PDZRN3: variants seen among roughly 807,000 people sequenced by gnomAD.
PDZRN3 encodes the protein E3 ubiquitin-protein ligase PDZRN3.
A neutral mutation model predicts 85.7 loss-of-function variants in PDZRN3; 38 were observed. The observed-to-expected ratio is 0.44, with a 90% CI of 0.34 to 0.58. The LOEUF (loss-of-function observed/expected upper bound fraction) is 0.58, where lower values mean the gene tolerates loss of function less well. Among genes scored for constraint, PDZRN3 ranks in the 20% least tolerant of loss-of-function variants. The pLI is 0.01. For synonymous variants in PDZRN3, 759 were observed against 638.0 expected, an observed-to-expected ratio of 1.19 and a Z score of -2.86; for missense variants, 1,629 against 1,506.4, an observed-to-expected ratio of 1.08 and a Z score of -1.35.
intron 3 of PDZRN3, among the ~76,000 whole-genome samples, chr3:73,473,506 A>C (rs1484770853): frequency 1.3e-5 from 2 of 152,152 alleles, no homozygotes. Context: ...AGGCCCATTT[A>C]AACATTATAG....
rs375028237 is a variant in PDZRN3 at position 73,394,831 on chromosome 3, T to C, written c.1255-3715A>G. ...TTGCTGACAGTTAAGCACAGAGTGA[T>C]CCATAATAGGCTTTCAGAAGCTCTT... On this transcript the variant is annotated intron_variant, in intron 5 of 9. Transcript: ENST00000263666. Among the ~76,000 whole-genome samples, 5 of 152,348 alleles carry C rather than the reference T, an allele frequency of 3.3e-5. No individual in the cohort carries two copies. In the East Asian group the frequency reaches 9.6e-4, roughly 29 times the overall value.
intron 3 of PDZRN3, among the ~76,000 whole-genome samples, chr3:73,439,867 T>A (rs1369809620): frequency 6.6e-6 from 1 of 152,052 alleles, no homozygotes; most frequent in African/African-American, 2.4e-5. Flanking sequence ...GCCTTCTGAA[T>A]AGCTGGGACT....
intron 3 of PDZRN3, among the ~76,000 whole-genome samples, chr3:73,473,417 G>A (rs1194655709): frequency 6.6e-6 from 1 of 150,738 alleles, no homozygotes; most frequent in Non-Finnish European, 1.5e-5. Flanking sequence ...AGGCAGTCAA[G>A]AAAGAATTTG....
rs60375078 is a variant in PDZRN3, at chr3:73,550,510, C to T, written c.918+51844G>A. ...TCAGTCTTTATTTAAAAGCCCCCCA[C>T]CTGATTTGACTGCAAAGGCAAAATT... On this transcript the variant is annotated intron_variant, in intron 3 of 9. Coordinates refer to ENST00000263666, the MANE Select transcript of PDZRN3 (RefSeq NM_015009.3). 5.2e-3 allele frequency among the ~76,000 whole-genome samples: 792 copies of T among 152,336 alleles called. 3 individuals carry two copies. The highest frequency in any genetic ancestry group is 0.019 in the African/African-American group (772 of 41,570).
At chr3:73,574,463 G>GGC (rs112888737) in intron 3 of PDZRN3, among the ~76,000 whole-genome samples, 4 of 141,536 alleles carry the variant, frequency 2.8e-5, no homozygotes, top group Non-Finnish European at 4.6e-5. Context: ...GGGGTGGGGG[G>GGC]GGTGGGGAGG....
intron 3 of PDZRN3, among the ~76,000 whole-genome samples, chr3:73,535,588 G>A (rs1449120913): frequency 6.6e-6 from 1 of 152,214 alleles, no homozygotes; most frequent in Admixed American, 6.5e-5. Context: ...TATCCACAGA[G>A]CTGCCTTTTT....
intron 3 of PDZRN3, among the ~76,000 whole-genome samples, chr3:73,472,858 T>C (rs1394651079): frequency 6.6e-6 from 1 of 152,246 alleles, no homozygotes; most frequent in Non-Finnish European, 1.5e-5. Context: ...CTTGTATAAA[T>C]GACTGTTTGA....
chr3:73,597,403 C>T (rs1702445810), intron 3 of PDZRN3, among the ~76,000 whole-genome samples: 1 of 152,180 alleles, frequency 6.6e-6, no homozygotes, highest in Admixed American at 6.5e-5. Context: ...CTCGGGTCTT[C>T]AAATCATAAC....
intron 3 of PDZRN3, among the ~76,000 whole-genome samples, chr3:73,501,969 C>T (rs1703988929): frequency 6.6e-6 from 1 of 152,100 alleles, no homozygotes; most frequent in South Asian, 2.1e-4. Flanking sequence ...GAGCTGAGAT[C>T]GCATCACTGC....
At chr3:73,573,223 A>G (rs548712008) in intron 3 of PDZRN3, among the ~76,000 whole-genome samples, 1 of 152,326 alleles carries the variant, frequency 6.6e-6, no homozygotes, top group South Asian at 2.1e-4. Flanking sequence ...CAAGATCTCC[A>G]GGGCCTTCAG....
At chr3:73,609,912 G>A (rs1047260410) in intron 1 of PDZRN3, among the ~76,000 whole-genome samples, 3 of 152,194 alleles carry the variant, frequency 2.0e-5, no homozygotes, top group African/African-American at 7.2e-5. Flanking sequence ...TGCTATGGCT[G>A]TCAATGTGCA....
At position 73,472,118 on chromosome 3, in the gene PDZRN3, T is replaced by C. The variant is rs115116915; in HGVS notation, c.919-67723A>G. 1.7e-3 allele frequency among the ~76,000 whole-genome samples: 264 copies of C among 152,354 alleles called. 2 individuals carry two copies. Among genetic ancestry groups the C allele is most frequent in the African/African-American group, 4.9e-3 (202 of 41,580 alleles). ...TTCACATCTGGTGTTAGCAAAGCAA[T>C]GCAGAAAACAACACACAGCTCCTCT... On this transcript the variant is annotated intron_variant, in intron 3 of 9. Transcript: ENST00000263666.
At chr3:73,601,303 C>T (rs1424700562) in intron 3 of PDZRN3, among the ~76,000 whole-genome samples, 4 of 152,172 alleles carry the variant, frequency 2.6e-5, no homozygotes, top group African/African-American at 9.7e-5. Context: ...GTGGTCCTAG[C>T]TCCCACTCAG....
intron 3 of PDZRN3, among the ~76,000 whole-genome samples, chr3:73,448,360 A>G (rs1046843255): frequency 6.6e-6 from 1 of 152,186 alleles, no homozygotes; most frequent in African/African-American, 2.4e-5. Context: ...TGCTCAGTAG[A>G]TTTTAGTTTT....
Position 73,388,049 on chromosome 3 carries a change from C to T in PDZRN3, c.1437G>A (p.Gln479=), listed in dbSNP as rs1701435400. 1 of 1,464,938 alleles carries T rather than the reference C, an allele frequency of 6.8e-7. No homozygotes were observed. Among genetic ancestry groups the T allele is most frequent in the Non-Finnish European group, 9.4e-7 (1 of 1,068,236 alleles). The allele number at this position is 1,464,938 out of a possible 1,614,324, so 90.7% of individuals were successfully genotyped here. Residue 479 remains glutamine (Q), a synonymous_variant, in exon 8 of 10, where the codon CAG becomes CAA. Coordinates refer to ENST00000263666, the MANE Select transcript of PDZRN3 (RefSeq NM_015009.3). ...GAAGAGCCACAGCCTCTTCACGGTTCTGCACCTCTATCCCATTAATCTTTT... is the reference window on the plus strand; with the variant it reads ...GAAGAGCCACAGCCTCTTCACGGTTTTGCACCTCTATCCCATTAATCTTTT... The part of the protein sequence containing the change: ...RIIQINGIEV[Q]NREEAVALLT...
chr3:73,499,784 G>A (rs187214293), intron 3 of PDZRN3, among the ~76,000 whole-genome samples: 15 of 152,120 alleles, frequency 9.9e-5, no homozygotes, highest in Admixed American at 2.6e-4. Context: ...CCTCCTAGTC[G>A]TATTTTCTTG....
chr3:73,448,253 T>C (rs1243502973), intron 3 of PDZRN3, among the ~76,000 whole-genome samples: 1 of 152,244 alleles, frequency 6.6e-6, no homozygotes, highest in Non-Finnish European at 1.5e-5. Flanking sequence ...GTCTTCATTT[T>C]TTCTTCTAAC....
rs888370262 is a variant in PDZRN3 at position 73,384,367 on chromosome 3, G to A, written c.2199C>T (p.Ile733=). The A allele has an allele frequency of 3.1e-6, 5 of 1,609,346 alleles. No individual in the cohort carries two copies. The highest frequency in any genetic ancestry group is 1.7e-5 in the Admixed American group (1 of 60,006). ...CTGAGAGCTCGTGTCTGCGCACGTC[G>A]ATGCTGGTGTTGTAGTTGCGGAAGC... ...NSGFRNYNTS[I]DVRRHELSDI... The change falls in exon 10 of 10, where the codon ATC becomes ATT. Residue 733 remains isoleucine, a synonymous_variant. Coordinates refer to ENST00000263666, the MANE Select transcript of PDZRN3 (RefSeq NM_015009.3).
At chr3:73,459,640 A>T (rs28495661) in intron 3 of PDZRN3, among the ~76,000 whole-genome samples, 9,900 of 152,292 alleles carry the variant, frequency 0.065, 333 homozygotes, top group African/African-American at 0.072. Flanking sequence ...TTTGCTAAGG[A>T]TAATGCCCCC....
Sources: allele counts gnomAD v4.1 joint callset (sites outside exome capture counted in the v4.1 genomes callset), GRCh38; gene constraint gnomAD v4.1.1; transcripts MANE v1.5; gene names NCBI Gene and HGNC (gene_info 2026-07-23, HGNC 2026-07-21).